GRB10: variants seen among roughly 807,000 people sequenced by gnomAD.
GRB10 encodes the protein growth factor receptor-bound protein 10.
Under a neutral mutation model 80.9 loss-of-function variants are expected in GRB10, and 20 were observed. The ratio of observed to expected loss-of-function variants is 0.25; its 90% confidence interval spans 0.17 to 0.36. The LOEUF is 0.36. Among genes scored for constraint, GRB10 ranks in the 10% least tolerant of loss-of-function variants. The pLI is 1.00. For missense variants in GRB10, 548 were observed against 747.7 expected, an observed-to-expected ratio of 0.73 and a Z score of 3.12; for synonymous variants, 291 against 291.5, an observed-to-expected ratio of 1.00 and a Z score of 0.02.
intron 2 of GRB10, chr7:50,779,611 C>T (rs1295823656): frequency 2.6e-5 from 4 of 152,068 alleles, no homozygotes; most frequent in South Asian, 2.1e-4. Context: ...GAATGACAGG[C>T]GGGGTCCCTT....
At chr7:50,790,349 G>A (rs1164737100) in intron 1 of GRB10, among the ~76,000 whole-genome samples, 1 of 152,006 alleles carries the variant, frequency 6.6e-6, no homozygotes, top group African/African-American at 2.4e-5. Context: ...CCACACTTCT[G>A]TACTTCTACA....
At chr7:50,721,409 T>C (rs1381279774) in intron 4 of GRB10, among the ~76,000 whole-genome samples, 3 of 152,172 alleles carry the variant, frequency 2.0e-5, no homozygotes, top group African/African-American at 7.2e-5. Context: ...GCAGTGATCA[T>C]CAGATCAACT....
At chr7:50,649,683 G>C (rs190423209) in intron 7 of GRB10, among the ~76,000 whole-genome samples, 1 of 152,030 alleles carries the variant, frequency 6.6e-6, no homozygotes, top group Non-Finnish European at 1.5e-5. Context: ...CTGCTGTGTC[G>C]TCCCAGGCTG....
rs558707939 is a variant in GRB10, at chr7:50,713,840, C to T, written c.52-9932G>A. 8.5e-4 allele frequency among the ~76,000 whole-genome samples: 130 copies of T among 152,134 alleles called. 1 individual carries two copies. Among genetic ancestry groups the T allele is most frequent in the African/African-American group, 3.0e-3 (124 of 41,496 alleles). On this transcript the variant is annotated intron_variant, in intron 4 of 18. Coordinates refer to ENST00000401949, the MANE Select transcript of GRB10 (RefSeq NM_001350814.2). ...ACCATCTCCACCATCACCTCCACCT[C>T]GTCCACTTCCTCTACCACCTCCACC...
chr7:50,722,453 G>A (rs1207648380), intron 4 of GRB10, among the ~76,000 whole-genome samples: 1 of 152,212 alleles, frequency 6.6e-6, no homozygotes, highest in Non-Finnish European at 1.5e-5. Flanking sequence ...CAGCAAGGTG[G>A]GAAATTCCAT....
At chr7:50,627,450 A>C (rs996138297) in intron 7 of GRB10, among the ~76,000 whole-genome samples, 2 of 152,210 alleles carry the variant, frequency 1.3e-5, no homozygotes, top group Non-Finnish European at 2.9e-5. Context: ...AGGGTCCAGC[A>C]GCGGCACCTA....
chr7:50,591,205 T>C lies in GRB10; in HGVS notation c.*1747A>G, dbSNP rs1485910038. 1 of 152,246 alleles carries C rather than the reference T, an allele frequency of 6.6e-6. No homozygotes were observed. Among genetic ancestry groups the C allele is most frequent in the Non-Finnish European group, 1.5e-5 (1 of 68,040 alleles). The allele number at this position is 152,246 out of a possible 1,614,324, so 9.4% of individuals were successfully genotyped here. A position where few individuals can be genotyped will look rare whatever the true frequency, so the allele number is the denominator to read the frequency against. On this transcript the variant is annotated 3_prime_UTR_variant, in exon 19 of 19. Transcript: ENST00000401949. ...ACTGATGGTTAAAAACATGTTTTGC[T>C]AGAAAATTCTTCATTTGTATACCTT...
intron 6 of GRB10, among the ~76,000 whole-genome samples, chr7:50,672,463 C>T (rs941934860): frequency 5.3e-5 from 8 of 152,164 alleles, no homozygotes; most frequent in Non-Finnish European, 1.0e-4. Flanking sequence ...CCAGATTGAT[C>T]TCCACATTTT....
At chr7:50,614,656 A>G in intron 12 of GRB10, 114 bp downstream of exon 12, 1 of 788,524 alleles carries the variant, frequency 1.3e-6, no homozygotes, top group Non-Finnish European at 2.3e-6. Flanking sequence ...CCAGTGTGAA[A>G]CTATGTTTCT....
At chr7:50,606,505 G>A (rs1032667843) in intron 13 of GRB10, 91 bp from the exon 14 acceptor site, 17 of 897,106 alleles carry the variant, frequency 1.9e-5, no homozygotes, top group South Asian at 6.6e-5. Context: ...GCAATGTTGA[G>A]TGCGGAACAG....
intron 18 of GRB10, among the ~76,000 whole-genome samples, chr7:50,595,128 C>A (rs2046407168): frequency 6.6e-6 from 1 of 152,086 alleles, no homozygotes; most frequent in Non-Finnish European, 1.5e-5. Context: ...GGGCCCTCAG[C>A]TAATTCTCCT....
intron 2 of GRB10, among the ~76,000 whole-genome samples, chr7:50,757,953 T>A (rs1365303919): frequency 6.6e-6 from 1 of 152,136 alleles, no homozygotes; most frequent in East Asian, 1.9e-4. Flanking sequence ...ATAAATTAAA[T>A]ACATCACTGA....
rs1427447370 is a variant in GRB10 at position 50,655,734 on chromosome 7, A to C, written c.504+13988T>G. 3.9e-5 allele frequency among the ~76,000 whole-genome samples: 6 copies of C among 152,128 alleles called. No individual in the cohort carries two copies. The East Asian group carries it at 1.2e-3, about 30-fold the overall frequency. On this transcript the variant is annotated intron_variant, in intron 7 of 18. Transcript: ENST00000401949. ...GAGACCTCCTTTGCCCTGGAGACCA[A>C]TCTCTTCCTGGGACACCTAAGGCCC...
rs1313691565 is a variant in GRB10, at chr7:50,626,886, G to A, written c.597C>T (p.Tyr199=). Residue 199 remains tyrosine (Y), a synonymous_variant, in exon 8 of 19, where the codon TAC becomes TAT. Transcript: ENST00000401949. The part of the protein sequence containing the change: ...TARDLCQLLV[Y]KSHCVDDNSW... Reference sequence around the variant, plus strand: ...TGTTGTCATCCACACAGTGACTTTTGTAAACCAGCAATTGGCACAGGTCTC... The same window carrying A: ...TGTTGTCATCCACACAGTGACTTTTATAAACCAGCAATTGGCACAGGTCTC... The A allele has an allele frequency of 6.2e-7, 1 of 1,614,118 alleles. No individual in the cohort carries two copies. Among genetic ancestry groups the A allele is most frequent in the Admixed American group, 1.7e-5 (1 of 60,016 alleles).
chr7:50,713,421 C>G (rs1439501265), intron 4 of GRB10, among the ~76,000 whole-genome samples: 5 of 151,578 alleles, frequency 3.3e-5, no homozygotes, highest in Admixed American at 6.6e-5. Context: ...TCCATCTCCT[C>G]TACCACCCCC....
At chr7:50,609,071 T>G (rs115307476) in intron 13 of GRB10, among the ~76,000 whole-genome samples, 2,113 of 151,332 alleles carry the variant, frequency 0.014, 50 homozygotes, top group African/African-American at 0.048. Context: ...ATATACTTAA[T>G]AAATCTAAAA....
chr7:50,615,789 G>T (rs904571717), intron 11 of GRB10, among the ~76,000 whole-genome samples: 1 of 152,214 alleles, frequency 6.6e-6, no homozygotes, highest in Non-Finnish European at 1.5e-5. Flanking sequence ...TCTCACTGGG[G>T]ATACATGCAA....
At chr7:50,669,679 T>C in intron 7 of GRB10, 43 bp downstream of exon 7, 1 of 1,589,336 alleles carries the variant, frequency 6.3e-7, no homozygotes, top group Non-Finnish European at 8.6e-7. Context: ...CCCAATAATC[T>C]GGCATATCCC....
chr7:50,756,212 G>A (rs942363508), intron 2 of GRB10, 156 bp from the exon 3 acceptor site: 12 of 396,292 alleles, frequency 3.0e-5, no homozygotes, highest in Non-Finnish European at 4.0e-5. Flanking sequence ...AAACAAGGAC[G>A]TGACTAAGTA....
Sources: gnomAD v4.1 joint callset for allele counts (sites outside exome capture counted in the v4.1 genomes callset) on GRCh38, gnomAD v4.1.1 for gene constraint, MANE v1.5 for transcripts, NCBI Gene and HGNC (gene_info 2026-07-23, HGNC 2026-07-21) for gene names.